FGGY: variants seen among roughly 807,000 people sequenced by gnomAD.
FGGY encodes the protein FGGY carbohydrate kinase domain-containing protein.
A neutral mutation model predicts 71.3 loss-of-function variants in FGGY; 72 were observed. The observed-to-expected ratio is 1.01, with a 90% CI of 0.84 to 1.23. FGGY has a LOEUF of 1.23. Ranked by LOEUF, FGGY falls within the 50% of genes most tolerant of loss-of-function variation. The pLI is 0.00. For missense variants in FGGY, 668 were observed against 682.3 expected, an observed-to-expected ratio of 0.98 and a Z score of 0.23; for synonymous variants, 251 against 250.3, an observed-to-expected ratio of 1.00 and a Z score of -0.02.
intron 4 of FGGY, among the ~76,000 whole-genome samples, chr1:59,362,350 C>T (rs1375064497): frequency 2.0e-5 from 3 of 152,170 alleles, no homozygotes; most frequent in East Asian, 3.8e-4. Flanking sequence ...TTTCTTCTCT[C>T]CTCTGGGCTT....
At chr1:59,545,616 A>G (rs942833776) in intron 7 of FGGY, among the ~76,000 whole-genome samples, 2 of 152,156 alleles carry the variant, frequency 1.3e-5, no homozygotes, top group African/African-American at 2.4e-5. Context: ...TTTCCAAGCT[A>G]TACATATTAG....
chr1:59,620,916 T>C (rs2096800361), intron 9 of FGGY, among the ~76,000 whole-genome samples: 1 of 152,136 alleles, frequency 6.6e-6, no homozygotes, highest in Non-Finnish European at 1.5e-5. Context: ...TGTATTAGTC[T>C]ACTCTTGACT....
In FGGY at chr1:59,748,826, G is replaced by C. The variant is rs1269468033; in HGVS notation, c.1513-9105G>C. ...GCTTAGATTAAGCTCCATGTGTATG[G>C]TAATGAGATGACTGATGGCTGAGAA... On this transcript the variant is annotated intron_variant, in intron 14 of 15. Coordinates refer to ENST00000303721, the MANE Select transcript of FGGY (RefSeq NM_018291.5). Among the ~76,000 whole-genome samples, 4 of 152,108 alleles carry C rather than the reference G, an allele frequency of 2.6e-5. No homozygotes were observed. The East Asian group carries it at 7.7e-4, about 29-fold the overall frequency.
intron 6 of FGGY, among the ~76,000 whole-genome samples, chr1:59,491,901 C>A (rs751121976): frequency 2.6e-5 from 4 of 152,092 alleles, no homozygotes; most frequent in Admixed American, 6.6e-5. Flanking sequence ...TATGTACTTT[C>A]CATCTTGTAA....
At chr1:59,468,559 T>C (rs775607551) in intron 6 of FGGY, among the ~76,000 whole-genome samples, 3 of 152,162 alleles carry the variant, frequency 2.0e-5, no homozygotes, top group African/African-American at 4.8e-5. Context: ...ATTTTTGTCA[T>C]GTAGGCTAAA....
chr1:59,421,811 A>G (rs35110579), intron 5 of FGGY, among the ~76,000 whole-genome samples: 26,036 of 151,916 alleles, frequency 0.17, 2,686 homozygotes, highest in East Asian at 0.35. Flanking sequence ...TCATTTGACT[A>G]GACTACCACT....
At chr1:59,722,611 G>A (rs2097906800) in intron 14 of FGGY, among the ~76,000 whole-genome samples, 1 of 152,110 alleles carries the variant, frequency 6.6e-6, no homozygotes, top group South Asian at 2.1e-4. Flanking sequence ...TGTAGCCATT[G>A]GCAACTCCTC....
At chr1:59,549,861 A>G (rs1305072887) in intron 7 of FGGY, among the ~76,000 whole-genome samples, 1 of 152,236 alleles carries the variant, frequency 6.6e-6, no homozygotes, top group Non-Finnish European at 1.5e-5. Context: ...GAAGGGAGAC[A>G]GCATATTAAA....
At chr1:59,394,072 GA>G (rs2061025796) in intron 5 of FGGY, among the ~76,000 whole-genome samples, 1 of 152,158 alleles carries the variant, frequency 6.6e-6, no homozygotes, top group Non-Finnish European at 1.5e-5. Context: ...TCTGTTGGGG[GA>G]AAAGTCTGCC....
chr1:59,337,630 A>T (rs1435447089), intron 2 of FGGY, among the ~76,000 whole-genome samples: 1 of 152,082 alleles, frequency 6.6e-6, no homozygotes, highest in East Asian at 1.9e-4. Flanking sequence ...TGTGAATGGG[A>T]TTATTTTCTT....
chr1:59,473,064 C>G (rs938639282), intron 6 of FGGY, among the ~76,000 whole-genome samples: 10 of 152,120 alleles, frequency 6.6e-5, no homozygotes, highest in African/African-American at 1.4e-4. Flanking sequence ...GTAGGCTGCC[C>G]GAGCCAGCAG....
chr1:59,382,130 T>G (rs1015628631), intron 5 of FGGY, among the ~76,000 whole-genome samples: 9 of 152,096 alleles, frequency 5.9e-5, no homozygotes, highest in African/African-American at 2.2e-4. Context: ...CTCTAGTAAT[T>G]AGGGAGGCAG....
intron 8 of FGGY, among the ~76,000 whole-genome samples, chr1:59,588,141 A>G (rs1358914599): frequency 6.6e-6 from 1 of 152,266 alleles, no homozygotes; most frequent in African/African-American, 2.4e-5. Flanking sequence ...GAACTACGTG[A>G]AGAATGCAGA....
At chr1:59,322,679 A>G (rs142807544) in intron 2 of FGGY, among the ~76,000 whole-genome samples, 1 of 152,310 alleles carries the variant, frequency 6.6e-6, no homozygotes, top group East Asian at 1.9e-4. Context: ...TATGCCAGGC[A>G]TATGTTCACC....
At chr1:59,488,891 T>C (rs1363632381) in intron 6 of FGGY, among the ~76,000 whole-genome samples, 1 of 152,054 alleles carries the variant, frequency 6.6e-6, no homozygotes, top group Admixed American at 6.6e-5. Context: ...TCCAGGAAGA[T>C]TTTGCCAAAT....
At chr1:59,441,861 A>G (rs1384119002) in intron 5 of FGGY, among the ~76,000 whole-genome samples, 2 of 152,184 alleles carry the variant, frequency 1.3e-5, no homozygotes, top group Admixed American at 1.3e-4. Context: ...TCCATTTCAC[A>G]TCTGGGGGCA....
At chr1:59,517,109 CA>C (rs1458151853) in intron 7 of FGGY, among the ~76,000 whole-genome samples, 2 of 152,054 alleles carry the variant, frequency 1.3e-5, no homozygotes, top group Non-Finnish European at 2.9e-5. Context: ...TGGTTCTGGC[CA>C]GGGCTCCTGC....
chr1:59,621,114 G>T (rs1198538546), intron 9 of FGGY, among the ~76,000 whole-genome samples: 1 of 152,002 alleles, frequency 6.6e-6, no homozygotes, highest in African/African-American at 2.4e-5. Flanking sequence ...TGTATATGAA[G>T]AGAAAACGGT....
At chr1:59,729,981 C>G (rs2098004445) in intron 14 of FGGY, among the ~76,000 whole-genome samples, 1 of 152,182 alleles carries the variant, frequency 6.6e-6, no homozygotes, top group Non-Finnish European at 1.5e-5. Context: ...CGCTTTCCCT[C>G]CCCCTGCCAG....
Sources: gnomAD v4.1 joint callset for allele counts (sites outside exome capture counted in the v4.1 genomes callset) on GRCh38, gnomAD v4.1.1 for gene constraint, MANE v1.5 for transcripts, NCBI Gene and HGNC (gene_info 2026-07-23, HGNC 2026-07-21) for gene names.